Variants in IQSEC1 observed in about 807,000 individuals in gnomAD.
IQSEC1 encodes IQ motif and Sec7 domain ArfGEF 1.
Under a neutral mutation model 91.0 loss-of-function variants are expected in IQSEC1, and 31 were observed. The observed-to-expected ratio is 0.34, with a 90% CI of 0.26 to 0.46. The LOEUF (loss-of-function observed/expected upper bound fraction) is 0.46. Among genes scored for constraint, IQSEC1 ranks in the 20% least tolerant of loss-of-function variants. IQSEC1 has a pLI of 1.00. For missense variants in IQSEC1, 1,388 were observed against 1,575.6 expected (o/e 0.88, Z 2.02); for synonymous variants, 699 against 662.6 (o/e 1.05, Z -0.84).
intron 1 of IQSEC1, among the ~76,000 whole-genome samples, chr3:13,024,283 C>T (rs1004785063): frequency 5.3e-5 from 8 of 152,180 alleles, no homozygotes; most frequent in African/African-American, 1.9e-4. Context: ...ATCCATCTAT[C>T]ATCTTCCTTC....
At chr3:13,055,885 T>A (rs1050400293) in intron 1 of IQSEC1, among the ~76,000 whole-genome samples, 4 of 152,088 alleles carry the variant, frequency 2.6e-5, no homozygotes, top group African/African-American at 9.7e-5. Context: ...AGGCCAGGCA[T>A]CTACTGCAGG....
intron 2 of IQSEC1, among the ~76,000 whole-genome samples, chr3:13,125,819 C>T (rs1030639896): frequency 2.9e-4 from 44 of 152,284 alleles, no homozygotes; most frequent in African/African-American, 9.9e-4. Flanking sequence ...AAGGAGGAGC[C>T]GAAGCCAGCT....
chr3:13,070,517 A>G (rs951817294), intron 1 of IQSEC1, among the ~76,000 whole-genome samples: 4 of 152,176 alleles, frequency 2.6e-5, no homozygotes, highest in Admixed American at 2.6e-4. Flanking sequence ...GTGCTGGGAG[A>G]GCCTGGGCCT....
At chr3:12,912,596 G>A (rs1006847470) in intron 9 of IQSEC1, among the ~76,000 whole-genome samples, 14 of 151,276 alleles carry the variant, frequency 9.3e-5, no homozygotes, top group East Asian at 1.9e-4. Flanking sequence ...CCCGGGAAGC[G>A]GAGCTTGCAG....
At chr3:13,029,530 C>A (rs573937703) in intron 1 of IQSEC1, among the ~76,000 whole-genome samples, 3 of 152,216 alleles carry the variant, frequency 2.0e-5, no homozygotes, top group South Asian at 2.1e-4. Context: ...TTCACTACCC[C>A]CTTCCTTAGA....
chr3:12,922,870 C>T lies in IQSEC1; in HGVS notation c.1731-628G>A, dbSNP rs1367968506. Among the ~76,000 whole-genome samples the T allele has an allele frequency of 6.6e-6, 1 of 152,152 alleles. No homozygotes were observed. Among genetic ancestry groups the T allele is most frequent in the Non-Finnish European group, 1.5e-5 (1 of 68,038 alleles). On this transcript the variant is annotated intron_variant, in intron 4 of 13. Coordinates refer to ENST00000613206, the MANE Select transcript of IQSEC1 (RefSeq NM_001134382.3). This position sits in a 1 kb window ranked among gnomAD's most constrained non-coding sequence, Gnocchi z 5.1. Reference sequence around the variant, plus strand: ...ACCCTTCCAGTCCCTCCTATGGTGACCCCTGAACAGAGAAGATGGAGTCTG... The same window carrying T: ...ACCCTTCCAGTCCCTCCTATGGTGATCCCTGAACAGAGAAGATGGAGTCTG...
At chr3:13,063,236 T>C (rs1178836364) in intron 1 of IQSEC1, among the ~76,000 whole-genome samples, 1 of 152,258 alleles carries the variant, frequency 6.6e-6, no homozygotes, top group Non-Finnish European at 1.5e-5. Context: ...ATGTCCCAGC[T>C]TTCCTTCAAC....
In IQSEC1 at chr3:12,922,291, C is replaced by T. The variant is rs1696704472; in HGVS notation, c.1731-49G>A. The T allele has an allele frequency of 2.7e-6, 4 of 1,482,018 alleles. No individual in the cohort carries two copies. The East Asian group carries it at 7.7e-5, about 28-fold the overall frequency. The allele number at this position is 1,482,018 out of a possible 1,614,324, so 91.8% of individuals were successfully genotyped here. A position where few individuals can be genotyped will look rare whatever the true frequency, so the allele number is the denominator to read the frequency against. On this transcript the variant is annotated intron_variant, in intron 4 of 13. Coordinates refer to ENST00000613206, the MANE Select transcript of IQSEC1 (RefSeq NM_001134382.3). The surrounding 1 kb of genome is among the most constrained non-coding windows in gnomAD (Gnocchi z 5.1). ...GCATAAGCACCCCTTGCAGGTGCGA[C>T]ACGCCCAGCCCACCCCCAGGTGGTG...
chr3:13,226,511 G>A (rs1694756405), intron 1 of IQSEC1, among the ~76,000 whole-genome samples: 1 of 151,892 alleles, frequency 6.6e-6, no homozygotes. Flanking sequence ...AGTGATTTTG[G>A]GAGGCCAAGG....
chr3:13,052,473 T>C (rs1704726420), intron 1 of IQSEC1, among the ~76,000 whole-genome samples: 2 of 152,176 alleles, frequency 1.3e-5, no homozygotes. Context: ...GTTTCCAGTT[T>C]GGGGGCTGTT....
intron 1 of IQSEC1, among the ~76,000 whole-genome samples, chr3:13,190,559 A>G (rs1378484035): frequency 6.6e-6 from 1 of 150,776 alleles, no homozygotes; most frequent in Non-Finnish European, 1.5e-5. Flanking sequence ...CTGTCTCAAA[A>G]AAAAAAAACA....
Position 12,909,940 on chromosome 3 carries a change from GGCAGA to G in IQSEC1, c.2417-511_2417-507del, listed in dbSNP as rs932447963. Among the ~76,000 whole-genome samples the G allele has an allele frequency of 6.6e-6, 1 of 152,212 alleles. No individual in the cohort carries two copies. Among genetic ancestry groups the G allele is most frequent in the Non-Finnish European group, 1.5e-5 (1 of 68,038 alleles). On this transcript the variant is annotated intron_variant, in intron 10 of 13. Transcript: ENST00000613206. This position sits in a 1 kb window ranked among gnomAD's most constrained non-coding sequence, Gnocchi z 4.9. ...TGCTGCTCCGGCAGTGGGAGTCACTGGCAGAGCATCAGCCACTGGATGTTTGAAGG... is the reference window on the plus strand; with the variant it reads ...TGCTGCTCCGGCAGTGGGAGTCACTGGCATCAGCCACTGGATGTTTGAAGG...
chr3:13,066,951 G>A (rs1256749814), intron 1 of IQSEC1, among the ~76,000 whole-genome samples: 1 of 152,222 alleles, frequency 6.6e-6, no homozygotes, highest in Non-Finnish European at 1.5e-5. Flanking sequence ...CAGCATGCCT[G>A]GAGCTGCTGT....
intron 2 of IQSEC1, among the ~76,000 whole-genome samples, chr3:13,144,727 G>C (rs368140639): frequency 1.3e-5 from 2 of 152,248 alleles, no homozygotes; most frequent in South Asian, 2.1e-4. Context: ...TGGAGAGACA[G>C]AGCTGACAAG....
intron 1 of IQSEC1, among the ~76,000 whole-genome samples, chr3:13,245,336 G>A (rs569922996): frequency 1.2e-4 from 19 of 152,296 alleles, no homozygotes; most frequent in South Asian, 4.1e-4. Flanking sequence ...TCCAGCAGCC[G>A]CAGCTCAGAA....
chr3:13,018,240 C>T (rs890327852), intron 1 of IQSEC1, among the ~76,000 whole-genome samples: 2 of 152,192 alleles, frequency 1.3e-5, no homozygotes, highest in East Asian at 1.9e-4. Context: ...TGCAGAGGGG[C>T]ATCAGATGGC....
intron 1 of IQSEC1, among the ~76,000 whole-genome samples, chr3:13,273,940 C>G (rs1410220060): frequency 1.3e-5 from 2 of 152,232 alleles, no homozygotes; most frequent in Non-Finnish European, 2.9e-5. Flanking sequence ...CGCCGCCAGG[C>G]ACACTCCCCA....
intron 1 of IQSEC1, among the ~76,000 whole-genome samples, chr3:12,988,259 C>CA (rs1701832493): frequency 6.6e-6 from 1 of 151,922 alleles, no homozygotes; most frequent in African/African-American, 2.4e-5. Context: ...ACTAAAAATA[C>CA]AAAAAATTAG....
intron 1 of IQSEC1, among the ~76,000 whole-genome samples, chr3:13,256,491 T>G (rs1431147713): frequency 6.6e-6 from 1 of 152,162 alleles, no homozygotes; most frequent in Non-Finnish European, 1.5e-5. Context: ...AGCCCCATCC[T>G]TATCCCCCAC....
Sources: gnomAD v4.1 joint callset for allele counts (sites outside exome capture counted in the v4.1 genomes callset) on GRCh38, gnomAD v4.1.1 for gene constraint, Gnocchi (gnomAD v3.1) non-coding constraint, MANE v1.5 for transcripts, NCBI Gene and HGNC (gene_info 2026-07-23, HGNC 2026-07-21) for gene names.